Variants in ZNF660 observed in about 807,000 individuals in gnomAD.
ZNF660 encodes zinc finger protein 660.
ZNF660 carries 24 observed loss-of-function variants against 23.2 expected under a neutral mutation model. The ratio of observed to expected loss-of-function variants is 1.04; its 90% confidence interval spans 0.75 to 1.46. ZNF660 has a LOEUF of 1.46. Ranked by LOEUF, ZNF660 falls within the 40% of genes most tolerant of loss-of-function variation. The pLI, the probability that ZNF660 is intolerant of heterozygous loss-of-function variation, is 0.00. For missense variants in ZNF660, 373 were observed against 396.8 expected (o/e 0.94, Z 0.51); for synonymous variants, 117 against 131.4 (o/e 0.89, Z 0.75).
chr3:44,585,678 C>CT (rs1480222255), intron 1 of ZNF660, among the ~76,000 whole-genome samples: 2 of 152,166 alleles, frequency 1.3e-5, no homozygotes, highest in African/African-American at 4.8e-5. Flanking sequence ...CTTTTAAAGA[C>CT]TTGTTTCTTT....
intron 2 of ZNF660, among the ~76,000 whole-genome samples, chr3:44,589,514 T>A (rs915184573): frequency 1.3e-5 from 2 of 152,168 alleles, no homozygotes; most frequent in Admixed American, 6.5e-5. Flanking sequence ...GAAACGTGAA[T>A]GTTCTGGGAG....
Position 44,596,471 on chromosome 3 carries a change from C to T in ZNF660, c.*1282C>T, listed in dbSNP as rs1333696059. 1 of 152,112 alleles carries T rather than the reference C, an allele frequency of 6.6e-6. No individual in the cohort carries two copies. The highest frequency in any genetic ancestry group is 2.4e-5 in the African/African-American group (1 of 41,402). 9.4% of individuals were successfully genotyped at this position (152,112 alleles called of 1,614,324 possible). Reference sequence around the variant, plus strand: ...AAGAGAATTTTTGTGTAAGGTAGTACTTAGGATATTTTCAGATGTATTGAA... The same window carrying T: ...AAGAGAATTTTTGTGTAAGGTAGTATTTAGGATATTTTCAGATGTATTGAA... On this transcript the variant is annotated 3_prime_UTR_variant, in exon 3 of 3. Transcript: ENST00000322734.
Position 44,594,045 on chromosome 3 carries a change from T to TC in ZNF660, c.-147dup. The TC allele has an allele frequency of 2.0e-6, 2 of 1,008,038 alleles. No individual in the cohort carries two copies. Among genetic ancestry groups the TC allele is most frequent in the Non-Finnish European group, 3.1e-6 (2 of 651,494 alleles). 62.4% of individuals were successfully genotyped at this position (1,008,038 alleles called of 1,614,324 possible). A position where few individuals can be genotyped will look rare whatever the true frequency, so the allele number is the denominator to read the frequency against. On this transcript the variant is annotated 5_prime_UTR_variant, in exon 3 of 3. It removes the in-frame stop codon of an upstream open reading frame in the 5' UTR. Coordinates refer to ENST00000322734, the MANE Select transcript of ZNF660 (RefSeq NM_173658.4). ...AAACTGGGACTGAGGAGGAGTTAATTCCAAAGCATCATTCCTGAAAAATCA... is the reference window on the plus strand; with the variant it reads ...AAACTGGGACTGAGGAGGAGTTAATTCCCAAAGCATCATTCCTGAAAAATCA...
At position 44,587,168 on chromosome 3, in the gene ZNF660, A is replaced by G. The variant is rs1363176636; in HGVS notation, c.-181+955A>G. 2.0e-5 allele frequency: 3 copies of G among 152,154 alleles called. No homozygotes were observed. In the East Asian group the frequency reaches 5.8e-4, roughly 29 times the overall value. 9.4% of individuals were successfully genotyped at this position (152,154 alleles called of 1,614,324 possible). On this transcript the variant is annotated intron_variant, in intron 2 of 2. Coordinates refer to ENST00000322734, the MANE Select transcript of ZNF660 (RefSeq NM_173658.4). ...TTCCTTACTCCACTGCACCTAATCA[A>G]TAACCAAGAACCATGTAACCATTGC...
At chr3:44,592,805 G>A (rs1392109234) in intron 2 of ZNF660, among the ~76,000 whole-genome samples, 1 of 152,178 alleles carries the variant, frequency 6.6e-6, no homozygotes, top group South Asian at 2.1e-4. Context: ...TGTAATCCTA[G>A]CACTTTGGGA....
Position 44,587,470 on chromosome 3 carries a change from C to T in ZNF660, c.-181+1257C>T, listed in dbSNP as rs139516613. ...CTAGATACCCCTAGTGTCCTACTGGCCTGTGGCCTCATGTTTCCCTCCAAA... is the reference window on the plus strand; with the variant it reads ...CTAGATACCCCTAGTGTCCTACTGGTCTGTGGCCTCATGTTTCCCTCCAAA... On this transcript the variant is annotated intron_variant, in intron 2 of 2. Coordinates refer to ENST00000322734, the MANE Select transcript of ZNF660 (RefSeq NM_173658.4). 9.0e-3 allele frequency among the ~76,000 whole-genome samples: 1,374 copies of T among 152,282 alleles called. 13 individuals are homozygous for T. Among genetic ancestry groups the T allele is most frequent in the Middle Eastern group, 0.014 (4 of 294 alleles).
Position 44,594,039 on chromosome 3 carries a change from G to A in ZNF660, c.-155G>A. 1 of 937,546 alleles carries A rather than the reference G, an allele frequency of 1.1e-6. No homozygotes were observed. The highest frequency in any genetic ancestry group is 1.7e-6 in the Non-Finnish European group (1 of 587,906). The allele number at this position is 937,546 out of a possible 1,614,324, so 58.1% of individuals were successfully genotyped here. A position where few individuals can be genotyped will look rare whatever the true frequency, so the allele number is the denominator to read the frequency against. On this transcript the variant is annotated 5_prime_UTR_variant, in exon 3 of 3. Coordinates refer to ENST00000322734, the MANE Select transcript of ZNF660 (RefSeq NM_173658.4). ...ATGGTGAAACTGGGACTGAGGAGGA[G>A]TTAATTCCAAAGCATCATTCCTGAA...
intron 2 of ZNF660, among the ~76,000 whole-genome samples, chr3:44,592,973 A>C (rs1485770008): frequency 6.6e-6 from 1 of 152,076 alleles, no homozygotes; most frequent in African/African-American, 2.4e-5. Flanking sequence ...GAACGGCGTG[A>C]ACCTGGGAGG....
chr3:44,599,538 C>T lies in ZNF660; in HGVS notation c.*4349C>T, dbSNP rs1388999971. 1 of 152,022 alleles carries T rather than the reference C, an allele frequency of 6.6e-6. No homozygotes were observed. The highest frequency in any genetic ancestry group is 1.5e-5 in the Non-Finnish European group (1 of 68,008). The allele number at this position is 152,022 out of a possible 1,614,324, so 9.4% of individuals were successfully genotyped here. ...GGACTTCCTTTCTTGATTGTTTTTTCCATTTAATATAAAATTTAAAAGATG... is the reference window on the plus strand; with the variant it reads ...GGACTTCCTTTCTTGATTGTTTTTTTCATTTAATATAAAATTTAAAAGATG... On this transcript the variant is annotated 3_prime_UTR_variant, in exon 3 of 3. Transcript: ENST00000322734.
chr3:44,587,959 G>T (rs1037561832), intron 2 of ZNF660, among the ~76,000 whole-genome samples: 2 of 152,204 alleles, frequency 1.3e-5, no homozygotes, highest in African/African-American at 2.4e-5. Context: ...GGAGGCTGAG[G>T]CAGAGGAATC....
Position 44,594,132 on chromosome 3 carries a change from A to G in ZNF660, c.-62A>G. ...ATTGCCCAGGAAGTCAAAATTTAGA[A>G]GGCTCCTCTGAAGGGAAAGAGAAGA... is the stretch of plus-strand genomic sequence containing the variant. On this transcript the variant is annotated 5_prime_UTR_variant, in exon 3 of 3. Coordinates refer to ENST00000322734, the MANE Select transcript of ZNF660 (RefSeq NM_173658.4). 1 of 1,604,468 alleles carries G rather than the reference A, an allele frequency of 6.2e-7. No individual in the cohort carries two copies.
rs910369964 is a variant in ZNF660 at position 44,599,372 on chromosome 3, G to T, written c.*4183G>T. 6.6e-6 allele frequency: 1 copy of T among 152,140 alleles called. No individual in the cohort carries two copies. Among genetic ancestry groups the T allele is most frequent in the African/African-American group, 2.4e-5 (1 of 41,408 alleles). 9.4% of individuals were successfully genotyped at this position (152,140 alleles called of 1,614,324 possible). On this transcript the variant is annotated 3_prime_UTR_variant, in exon 3 of 3. Transcript: ENST00000322734. The stretch of plus-strand genomic sequence containing the variant: ...ACTTAGAAATCTTTTTTCATAGATG[G>T]TGCGTCCTGTGTTAGGTATTACTTG...
Position 44,594,460 on chromosome 3 carries a change from T to G in ZNF660, c.267T>G (p.His89Gln), listed in dbSNP as rs1700540310. The change falls in exon 3 of 3, where the codon CAT (histidine) becomes CAG (glutamine). Residue 89 changes from histidine to glutamine, a missense_variant. His to Gln is a conservative substitution (Grantham distance 24). Coordinates refer to ENST00000322734, the MANE Select transcript of ZNF660 (RefSeq NM_173658.4). ...AGGAGTGTGGAAAAGCTTTCAGTCA[T>G]AGCTCTAACCTTGTTGTTCATCGGA... is the stretch of plus-strand genomic sequence containing the variant. ...KCKECGKAFS[H>Q]SSNLVVHRRI... is the part of the protein sequence containing the mutation. 6.2e-7 allele frequency: 1 copy of G among 1,613,990 alleles called. No individual in the cohort carries two copies. Among genetic ancestry groups the G allele is most frequent in the African/African-American group, 1.3e-5 (1 of 74,892 alleles).
rs1008139671 is a variant in ZNF660, at chr3:44,596,394, T to G, written c.*1205T>G. On this transcript the variant is annotated 3_prime_UTR_variant, in exon 3 of 3. Coordinates refer to ENST00000322734, the MANE Select transcript of ZNF660 (RefSeq NM_173658.4). ...AGACACGTGGTAAATGATAAAATCT[T>G]AAGTATAGGACATTGTAGCAGTGTT... is the stretch of plus-strand genomic sequence containing the variant. The G allele has an allele frequency of 1.3e-5, 2 of 152,212 alleles. No individual in the cohort carries two copies. Among genetic ancestry groups the G allele is most frequent in the Non-Finnish European group, 2.9e-5 (2 of 68,046 alleles). 9.4% of individuals were successfully genotyped at this position (152,212 alleles called of 1,614,324 possible).
In ZNF660 at chr3:44,595,777, G is replaced by C. The variant is rs1232976985; in HGVS notation, c.*588G>C. On this transcript the variant is annotated 3_prime_UTR_variant, in exon 3 of 3. Transcript: ENST00000322734. ...CGTAGTATATAGAGCCCAAAGCCCT[G>C]GGATTGCACCCTGACACTGGCATTT... 4.8e-5 allele frequency: 8 copies of C among 167,086 alleles called. No individual in the cohort carries two copies. The East Asian group carries it at 1.5e-3, about 32-fold the overall frequency. The allele number at this position is 167,086 out of a possible 1,614,324, so 10.4% of individuals were successfully genotyped here. A position where few individuals can be genotyped will look rare whatever the true frequency, so the allele number is the denominator to read the frequency against.
intron 2 of ZNF660, among the ~76,000 whole-genome samples, chr3:44,593,159 AG>A (rs2125751857): frequency 6.6e-6 from 1 of 152,324 alleles, no homozygotes; most frequent in East Asian, 1.9e-4. Context: ...TTAACAAGAT[AG>A]GGTTTACCTG....
rs1285280782 is a variant in ZNF660 at position 44,594,635 on chromosome 3, G to A, written c.442G>A (p.Gly148Ser). ...ECGKAFSRSSGLISHHRVHTG... is the reference protein window; with the variant it reads ...ECGKAFSRSSSLISHHRVHTG... Reference sequence around the variant, plus strand: ...TGGGAAAGCCTTTAGTCGGAGTTCGGGCCTTATATCACATCACAGAGTTCA... The same window carrying A: ...TGGGAAAGCCTTTAGTCGGAGTTCGAGCCTTATATCACATCACAGAGTTCA... The change falls in exon 3 of 3, where the codon GGC (glycine) becomes AGC (serine). Residue 148 changes from glycine (G) to serine (S), a missense_variant. Coordinates refer to ENST00000322734, the MANE Select transcript of ZNF660 (RefSeq NM_173658.4). 1.2e-6 allele frequency: 2 copies of A among 1,613,304 alleles called. No homozygotes were observed. The highest frequency in any genetic ancestry group is 1.7e-6 in the Non-Finnish European group (2 of 1,179,822).
Position 44,599,270 on chromosome 3 carries a change from C to T in ZNF660, c.*4081C>T, listed in dbSNP as rs1207248043. The T allele has an allele frequency of 1.3e-5, 2 of 152,080 alleles. No individual in the cohort carries two copies. Among genetic ancestry groups the T allele is most frequent in the East Asian group, 1.9e-4 (1 of 5,194 alleles). The allele number at this position is 152,080 out of a possible 1,614,324, so 9.4% of individuals were successfully genotyped here. A position where few individuals can be genotyped will look rare whatever the true frequency, so the allele number is the denominator to read the frequency against. On this transcript the variant is annotated 3_prime_UTR_variant, in exon 3 of 3. Coordinates refer to ENST00000322734, the MANE Select transcript of ZNF660 (RefSeq NM_173658.4). ...TTAGTTGAGAGGAAAATACGAAAAT[C>T]TCATTTTATATAGCCTTGAGTAGAG...
At chr3:44,587,616 C>T (rs1700268261) in intron 2 of ZNF660, among the ~76,000 whole-genome samples, 1 of 152,214 alleles carries the variant, frequency 6.6e-6, no homozygotes, top group Non-Finnish European at 1.5e-5. Flanking sequence ...AAACTCTCCT[C>T]ATTTGGCCCT....
Sources: gnomAD v4.1 joint callset for allele counts (sites outside exome capture counted in the v4.1 genomes callset) on GRCh38, gnomAD v4.1.1 for gene constraint, MANE v1.5 for transcripts, NCBI Gene and HGNC (gene_info 2026-07-23, HGNC 2026-07-21) for gene names.